The following ZNF429 variants were observed in gnomAD, a reference collection of about 807,000 sequenced individuals.
ZNF429 encodes the protein zinc finger protein 429.
A neutral mutation model predicts 56.8 loss-of-function variants in ZNF429; 53 were observed. That is an observed-to-expected ratio of 0.93 (90% CI 0.75 to 1.17). ZNF429 has a LOEUF of 1.17. Ranked by LOEUF, ZNF429 falls within the 50% of genes most tolerant of loss-of-function variation. The pLI, the probability that ZNF429 is intolerant of heterozygous loss-of-function variation, is 0.00. For missense variants in ZNF429, 849 were observed against 788.4 expected, an observed-to-expected ratio of 1.08 and a Z score of -0.92; for synonymous variants, 278 against 264.7, an observed-to-expected ratio of 1.05 and a Z score of -0.49.
At chr19:21,526,095 T>G (rs1464062849) in intron 1 of ZNF429, among the ~76,000 whole-genome samples, 4 of 105,800 alleles carry the variant, frequency 3.8e-5, no homozygotes, top group Non-Finnish European at 8.5e-5. Context: ...GCCTTCTGTT[T>G]GTTCTGTAAA....
chr19:21,516,556 A>AT (rs1351489830), intron 1 of ZNF429, among the ~76,000 whole-genome samples: 6 of 151,846 alleles, frequency 4.0e-5, no homozygotes, highest in South Asian at 2.1e-4. Context: ...AATGATACTG[A>AT]TTTTTTTCTG....
intron 3 of ZNF429, among the ~76,000 whole-genome samples, chr19:21,531,646 A>G: frequency 6.6e-6 from 1 of 152,138 alleles, no homozygotes; most frequent in Non-Finnish European, 1.5e-5. Flanking sequence ...TCTACTAAAA[A>G]ATACAAAAAT....
chr19:21,524,970 A>G (rs960555090), intron 1 of ZNF429, among the ~76,000 whole-genome samples: 5 of 152,204 alleles, frequency 3.3e-5, no homozygotes, highest in African/African-American at 1.2e-4. Flanking sequence ...TAATTGCTTC[A>G]TTAATATGAC....
In ZNF429 at chr19:21,537,116, A is replaced by C. The variant is rs762908555; in HGVS notation, c.1063A>C (p.Thr355Pro). ...TGGCAAAGCCTTTAACTGGTCTTCA[A>C]CTCTTACTAAACATAAGGTAATTCA... ...ECGKAFNWSSTLTKHKVIHTG... is the reference protein window; with the variant it reads ...ECGKAFNWSSPLTKHKVIHTG... Residue 355 changes from threonine to proline, a missense_variant, in exon 4 of 4, where the codon ACT becomes CCT. By Grantham distance (38) the Thr-to-Pro change is conservative (BLOSUM62 -1). Transcript: ENST00000358491. 1.1e-5 allele frequency: 18 copies of C among 1,613,648 alleles called. No individual in the cohort carries two copies. The highest frequency in any genetic ancestry group is 1.5e-5 in the Non-Finnish European group (18 of 1,179,870).
At chr19:21,534,940 G>T in intron 3 of ZNF429, among the ~76,000 whole-genome samples, 13 of 150,736 alleles carry the variant, frequency 8.6e-5, no homozygotes, top group Admixed American at 8.6e-4. Context: ...CTCCCGAGTA[G>T]CTGGGACTAC....
intron 1 of ZNF429, among the ~76,000 whole-genome samples, chr19:21,507,218 C>A (rs560768260): frequency 1.3e-5 from 2 of 152,178 alleles, no homozygotes; most frequent in Non-Finnish European, 2.9e-5. Flanking sequence ...TCTACTCCCA[C>A]GCCCCCCATT....
chr19:21,526,435 C>A (rs2033176424), intron 1 of ZNF429, among the ~76,000 whole-genome samples: 1 of 152,192 alleles, frequency 6.6e-6, no homozygotes, highest in Non-Finnish European at 1.5e-5. Flanking sequence ...AACCTTTTAT[C>A]TGAGGAATGC....
At chr19:21,527,711 G>A (rs983811989) in intron 1 of ZNF429, among the ~76,000 whole-genome samples, 1 of 152,004 alleles carries the variant, frequency 6.6e-6, no homozygotes, top group Non-Finnish European at 1.5e-5. Flanking sequence ...GACTTTTTTT[G>A]CAAGTCTTGA....
At chr19:21,510,967 C>G (rs550231284) in intron 1 of ZNF429, among the ~76,000 whole-genome samples, 1 of 151,990 alleles carries the variant, frequency 6.6e-6, no homozygotes, top group Non-Finnish European at 1.5e-5. Context: ...TGAAAAGTCT[C>G]CCATGTCTAC....
chr19:21,519,699 A>G (rs1226551582), intron 1 of ZNF429, among the ~76,000 whole-genome samples: 1 of 152,134 alleles, frequency 6.6e-6, no homozygotes, highest in Non-Finnish European at 1.5e-5. Context: ...GTCTGAGTGC[A>G]CTCAATAAAA....
In ZNF429 at chr19:21,539,384, G is replaced by A. The variant is rs547407403; in HGVS notation, c.*1306G>A. On this transcript the variant is annotated 3_prime_UTR_variant, in exon 4 of 4. Transcript: ENST00000358491. ...AATTATTTGTATATAACTTTTAAAA[G>A]AGTGGAAGATATTTTGCAAAGTTAT... 2.6e-5 allele frequency among the ~76,000 whole-genome samples: 4 copies of A among 152,140 alleles called. No homozygotes were observed. In the South Asian group the frequency reaches 8.3e-4, roughly 32 times the overall value.
At position 21,506,019 on chromosome 19, in the gene ZNF429, C is replaced by T. The variant is rs2032126750; in HGVS notation, c.3+245C>T. On this transcript the variant is annotated intron_variant, in intron 1 of 3. Coordinates refer to ENST00000358491, the MANE Select transcript of ZNF429 (RefSeq NM_001001415.4). ...CTGACGTGTAGCCCTGTCTGGGGAG[C>T]TCTGCACGCGCAATTCCGCAGTCTC... 2.4e-5 allele frequency: 9 copies of T among 369,154 alleles called. No homozygotes were observed. In the Admixed American group the frequency reaches 3.3e-4, roughly 14 times the overall value. The allele number at this position is 369,154 out of a possible 1,614,324, so 22.9% of individuals were successfully genotyped here. A position where few individuals can be genotyped will look rare whatever the true frequency, so the allele number is the denominator to read the frequency against.
chr19:21,529,961 G>T, intron 2 of ZNF429, among the ~76,000 whole-genome samples, 177 bp downstream of exon 2: 1 of 152,130 alleles, frequency 6.6e-6, no homozygotes, highest in African/African-American at 2.4e-5. Context: ...ACTTTGGGAG[G>T]CCAAGGCGGG....
At chr19:21,508,889 G>A (rs2032316594) in intron 1 of ZNF429, among the ~76,000 whole-genome samples, 1 of 152,070 alleles carries the variant, frequency 6.6e-6, no homozygotes, top group Non-Finnish European at 1.5e-5. Context: ...TGTTTTTGCA[G>A]GATAAATTTC....
chr19:21,514,183 T>G (rs2032631247), intron 1 of ZNF429, among the ~76,000 whole-genome samples: 1 of 152,134 alleles, frequency 6.6e-6, no homozygotes. Flanking sequence ...ACTAATGAAG[T>G]TTTTTCCTTT....
In ZNF429 at chr19:21,530,602, T is replaced by A. The variant is rs939636391; in HGVS notation, c.144T>A (p.Ser48=). The change falls in exon 3 of 4, where the codon TCT becomes TCA. Residue 48 remains serine, a synonymous_variant. Transcript: ENST00000358491. Reference sequence around the variant, plus strand: ...TTAATAAAACAGGTATTGCTGTTTCTAAGCCAGACCTAATCACTTGTCTAG... The same window carrying A: ...TTAATAAAACAGGTATTGCTGTTTCAAAGCCAGACCTAATCACTTGTCTAG... The part of the protein sequence containing the change: ...RNLVFLGIAV[S]KPDLITCLEK... The A allele has an allele frequency of 3.1e-6, 5 of 1,603,366 alleles. No individual in the cohort carries two copies. In the South Asian group the frequency reaches 5.6e-5, roughly 18 times the overall value.
At chr19:21,530,527 T>C in intron 2 of ZNF429, 62 bp from the exon 3 acceptor site, 1 of 1,210,180 alleles carries the variant, frequency 8.3e-7, no homozygotes, top group East Asian at 2.5e-5. Flanking sequence ...ACTGAGCACA[T>C]TACTAAATTG....
At chr19:21,532,936 C>G in intron 3 of ZNF429, among the ~76,000 whole-genome samples, 4 of 152,054 alleles carry the variant, frequency 2.6e-5, no homozygotes, top group African/African-American at 9.7e-5. Context: ...GACAGGTGAT[C>G]TGCCTGCCTC....
chr19:21,530,868 G>C lies in ZNF429; in HGVS notation c.226+184G>C. ...CACGTGTAATCCCAGCACTTTGGGAGGCTGAGGTGGGCGGATCACCTGGGG... is the reference window on the plus strand; with the variant it reads ...CACGTGTAATCCCAGCACTTTGGGACGCTGAGGTGGGCGGATCACCTGGGG... On this transcript the variant is annotated intron_variant, in intron 3 of 3. Coordinates refer to ENST00000358491, the MANE Select transcript of ZNF429 (RefSeq NM_001001415.4). 6.4e-4 allele frequency among the ~76,000 whole-genome samples: 97 copies of C among 152,226 alleles called. No individual in the cohort carries two copies. In the South Asian group the frequency reaches 0.02, roughly 31 times the overall value.
Sources: allele counts gnomAD v4.1 joint callset (sites outside exome capture counted in the v4.1 genomes callset), GRCh38; gene constraint gnomAD v4.1.1; transcripts MANE v1.5; gene names NCBI Gene and HGNC (gene_info 2026-07-23, HGNC 2026-07-21).